Variants in PTBP3 observed in about 807,000 individuals in gnomAD.
PTBP3 encodes polypyrimidine tract binding protein 3.
Under a neutral mutation model 58.7 loss-of-function variants are expected in PTBP3, and 20 were observed. That is an observed-to-expected ratio of 0.34 (90% CI 0.24 to 0.50). PTBP3 has a LOEUF of 0.50. Among genes scored for constraint, PTBP3 ranks in the 20% least tolerant of loss-of-function variants. The probability of loss-of-function intolerance (pLI) is 0.98; values close to 1 mark genes in which losing one functional copy is unlikely to be tolerated. For missense variants in PTBP3, 509 were observed against 637.2 expected (o/e 0.80, Z 2.17); for synonymous variants, 185 against 219.8 (o/e 0.84, Z 1.40).
At chr9:112,349,800 G>T in the PTBP3 span, among the ~76,000 whole-genome samples, 5 of 146,040 alleles carry the variant, frequency 3.4e-5, no homozygotes, top group South Asian at 1.1e-3. Flanking sequence ...GGAGATGAAG[G>T]TTGCGGTGAA....
the PTBP3 span, among the ~76,000 whole-genome samples, chr9:112,354,530 T>C: frequency 6.6e-6 from 1 of 152,224 alleles, no homozygotes; most frequent in South Asian, 2.1e-4. Flanking sequence ...GGAGGATTAC[T>C]TGTATCAGAG....
At chr9:112,265,221 A>G (rs898256114) in intron 4 of PTBP3, among the ~76,000 whole-genome samples, 1 of 152,102 alleles carries the variant, frequency 6.6e-6, no homozygotes, top group Non-Finnish European at 1.5e-5. Flanking sequence ...AAGTCTTAGG[A>G]GCCGGGTGCA....
chr9:112,231,543 G>C (rs939019865), intron 9 of PTBP3, 130 bp from the exon 10 acceptor site: 1 of 639,310 alleles, frequency 1.6e-6, no homozygotes, highest in African/African-American at 1.9e-5. Flanking sequence ...GTATATACTA[G>C]TGATGAATTT....
chr9:112,253,396 T>C (rs1836212122), intron 5 of PTBP3, among the ~76,000 whole-genome samples: 1 of 152,162 alleles, frequency 6.6e-6, no homozygotes, highest in Non-Finnish European at 1.5e-5. Context: ...AAAGAAGGCC[T>C]TTCTGAAGTG....
At chr9:112,365,476 G>C in the PTBP3 span, among the ~76,000 whole-genome samples, 1 of 152,182 alleles carries the variant, frequency 6.6e-6, no homozygotes, top group Non-Finnish European at 1.5e-5. Flanking sequence ...GATGTGACTT[G>C]CTCCGTCTTG....
intron 7 of PTBP3, among the ~76,000 whole-genome samples, chr9:112,239,695 C>G (rs974110782): frequency 2.0e-5 from 3 of 151,212 alleles, no homozygotes; most frequent in Non-Finnish European, 4.4e-5. Flanking sequence ...TGCACCACTG[C>G]ACTCCAGCCT....
Position 112,250,975 on chromosome 9 carries a change from A to C in PTBP3, c.756T>G (p.Thr252=). Residue 252 remains threonine (T), a synonymous_variant, in exon 7 of 14, where the codon ACT becomes ACG. Coordinates refer to ENST00000374257, the MANE Select transcript of PTBP3 (RefSeq NM_001163788.4). The part of the protein sequence containing the change: ...SRDFTRLDLP[T]GDGQPSLEPP... ...GTTCAAGGGATGGCTGGCCATCACC[A>C]GTAGGAAGGTCTAAGCGAGTGAAGT... 1 of 1,610,698 alleles carries C rather than the reference A, an allele frequency of 6.2e-7. No individual in the cohort carries two copies. The highest frequency in any genetic ancestry group is 8.5e-7 in the Non-Finnish European group (1 of 1,178,316).
the PTBP3 span, among the ~76,000 whole-genome samples, chr9:112,358,206 A>G: frequency 6.4e-4 from 97 of 152,264 alleles, no homozygotes; most frequent in African/African-American, 2.0e-3. Flanking sequence ...ACTACCCAGG[A>G]GGCTGAGGCA....
chr9:112,373,608 T>C, the PTBP3 span, among the ~76,000 whole-genome samples: 1 of 152,282 alleles, frequency 6.6e-6, no homozygotes, highest in East Asian at 1.9e-4. Context: ...CTTGAACCCA[T>C]ACACATCTCC....
chr9:112,366,797 G>A, the PTBP3 span, among the ~76,000 whole-genome samples: 3 of 152,120 alleles, frequency 2.0e-5, no homozygotes, highest in Non-Finnish European at 4.4e-5. Context: ...CGTCTTCCAG[G>A]CCCCAGAATG....
chr9:112,338,991 C>T, the PTBP3 span, among the ~76,000 whole-genome samples: 1 of 152,102 alleles, frequency 6.6e-6, no homozygotes. Flanking sequence ...GGGAGTATTC[C>T]TCTCCCTGTT....
intron 2 of PTBP3, among the ~76,000 whole-genome samples, chr9:112,296,695 T>C (rs1179434987): frequency 2.6e-5 from 4 of 152,220 alleles, no homozygotes; most frequent in African/African-American, 9.6e-5. Context: ...CATTTCCATT[T>C]GGATGTTCCA....
chr9:112,321,425 A>G lies in PTBP3; in HGVS notation c.-52+12045T>C, dbSNP rs1462396073. On this transcript the variant is annotated intron_variant, in intron 1 of 13. Transcript: ENST00000374257. ...GCACCTGTAATCCCAGCTACTCAGG[A>G]GGCTGAGGCAGGAGAATCGATTGAA... Among the ~76,000 whole-genome samples the G allele has an allele frequency of 2.6e-5, 4 of 151,480 alleles. No homozygotes were observed. In the South Asian group the frequency reaches 6.2e-4, roughly 24 times the overall value.
downstream of PTBP3, chr9:112,218,104 AAGAG>A (rs1202976971): frequency 3.3e-5 from 5 of 152,220 alleles, no homozygotes; most frequent in Admixed American, 6.5e-5. Context: ...TATGGGGAGA[AAGAG>A]AGAAAGAAAA....
chr9:112,317,546 C>T (rs960436361), intron 1 of PTBP3, among the ~76,000 whole-genome samples: 1 of 152,076 alleles, frequency 6.6e-6, no homozygotes, highest in South Asian at 2.1e-4. Flanking sequence ...AATAGACCAA[C>T]AATACTGAAA....
chr9:112,316,562 C>T (rs971246894), intron 1 of PTBP3, among the ~76,000 whole-genome samples: 3 of 152,142 alleles, frequency 2.0e-5, no homozygotes, highest in Non-Finnish European at 4.4e-5. Context: ...CCCAAGTAAC[C>T]CACGCCCAGA....
intron 3 of PTBP3, among the ~76,000 whole-genome samples, chr9:112,269,471 T>C (rs1317577339): frequency 6.6e-6 from 1 of 152,194 alleles, no homozygotes; most frequent in Non-Finnish European, 1.5e-5. Flanking sequence ...AGTAAGAGTT[T>C]TATTATCTCA....
At chr9:112,334,451 C>T (rs10481636), upstream of PTBP3, among the ~76,000 whole-genome samples, 129,075 of 152,098 alleles carry the variant, frequency 0.85, 55,198 homozygotes, top group African/African-American at 0.95. Flanking sequence ...CAGAGCCCTT[C>T]CCTCTGGTCT....
intron 1 of PTBP3, among the ~76,000 whole-genome samples, chr9:112,309,465 C>T (rs1028285029): frequency 6.6e-5 from 10 of 151,996 alleles, no homozygotes; most frequent in Admixed American, 2.0e-4. Flanking sequence ...CATATATAAT[C>T]GATGTTCAAA....
Sources: allele counts gnomAD v4.1 joint callset (sites outside exome capture counted in the v4.1 genomes callset), GRCh38; gene constraint gnomAD v4.1.1; transcripts MANE v1.5; gene names NCBI Gene and HGNC (gene_info 2026-07-23, HGNC 2026-07-21).